The following PTPN13 variants were observed in gnomAD, a reference collection of about 807,000 sequenced individuals.
PTPN13 encodes the protein tyrosine-protein phosphatase non-receptor type 13.
Under a neutral mutation model 284.0 loss-of-function variants are expected in PTPN13, and 191 were observed. The ratio of observed to expected loss-of-function variants is 0.67; its 90% CI spans 0.60 to 0.76. The LOEUF (loss-of-function observed/expected upper bound fraction) is 0.76. PTPN13 is among the 30% of genes least tolerant of loss of function. The pLI, the probability that PTPN13 is intolerant of heterozygous loss-of-function variation, is 0.00. For missense variants in PTPN13, 2,797 were observed against 2,939.9 expected (o/e 0.95, Z 1.12); for synonymous variants, 986 against 1,022.3 (o/e 0.96, Z 0.68).
At chr4:86,624,386 CT>C (rs370957961) in intron 1 of PTPN13, among the ~76,000 whole-genome samples, 1 of 152,260 alleles carries the variant, frequency 6.6e-6, no homozygotes, top group African/African-American at 2.4e-5. Flanking sequence ...GACCAGTGCT[CT>C]CATTATAAGA....
At chr4:86,612,889 G>A (rs113468847) in intron 1 of PTPN13, among the ~76,000 whole-genome samples, 1 of 152,250 alleles carries the variant, frequency 6.6e-6, no homozygotes, top group African/African-American at 2.4e-5. Flanking sequence ...AAACAAAGGC[G>A]AAATAAAGTG....
At chr4:86,812,016 A>G (rs1181636207) in intron 47 of PTPN13, among the ~76,000 whole-genome samples, 2 of 152,194 alleles carry the variant, frequency 1.3e-5, no homozygotes, top group African/African-American at 4.8e-5. Context: ...ACTTTGTATT[A>G]GGAACTCTTC....
At chr4:86,714,838 T>A (rs1198336636) in intron 7 of PTPN13, among the ~76,000 whole-genome samples, 1 of 152,166 alleles carries the variant, frequency 6.6e-6, no homozygotes, top group East Asian at 1.9e-4. Flanking sequence ...ATTCTTTTTC[T>A]CAGAGAACTT....
chr4:86,786,964 A>T (rs898561118), intron 40 of PTPN13, among the ~76,000 whole-genome samples: 1 of 151,798 alleles, frequency 6.6e-6, no homozygotes, highest in African/African-American at 2.4e-5. Context: ...AATTAGCCAG[A>T]TGTGGTGGCG....
chr4:86,641,252 C>T (rs764896616), intron 2 of PTPN13, among the ~76,000 whole-genome samples: 6 of 151,852 alleles, frequency 4.0e-5, no homozygotes, highest in Non-Finnish European at 7.4e-5. Context: ...CTGGGAGTGG[C>T]GGGGGGAAAA....
chr4:86,721,122 G>A (rs1733605867), intron 9 of PTPN13, among the ~76,000 whole-genome samples: 1 of 150,166 alleles, frequency 6.7e-6, no homozygotes, highest in South Asian at 2.2e-4. Flanking sequence ...TAGAAGTTTT[G>A]GTTAGATATC....
intron 7 of PTPN13, among the ~76,000 whole-genome samples, chr4:86,715,054 A>G (rs1732862415): frequency 1.3e-5 from 2 of 152,114 alleles, no homozygotes; most frequent in Non-Finnish European, 2.9e-5. Flanking sequence ...CGGTGTTTCT[A>G]ACAGAAGGTA....
chr4:86,674,185 T>C (rs925209596), intron 3 of PTPN13, among the ~76,000 whole-genome samples: 6 of 152,188 alleles, frequency 3.9e-5, no homozygotes, highest in African/African-American at 1.4e-4. Flanking sequence ...GGCATATATA[T>C]TGTGTTTTAT....
intron 1 of PTPN13, among the ~76,000 whole-genome samples, chr4:86,628,163 A>G (rs886093217): frequency 6.6e-6 from 1 of 152,182 alleles, no homozygotes; most frequent in East Asian, 1.9e-4. Context: ...GTGCCATTTT[A>G]CATTCCCACT....
intron 1 of PTPN13, among the ~76,000 whole-genome samples, chr4:86,625,652 A>G (rs1020509930): frequency 6.6e-6 from 1 of 152,074 alleles, no homozygotes; most frequent in Non-Finnish European, 1.5e-5. Flanking sequence ...CCTGAAGTCT[A>G]AAGGCTTGTT....
rs1257190524 is a variant in PTPN13, at chr4:86,647,838, G to A, written c.115+12467G>A. ...GAGAAGATGGCCATCTATAAGCCAA[G>A]AAGAGAGTAGTCAGAAGAAACCAAC... On this transcript the variant is annotated intron_variant, in intron 2 of 47. Transcript: ENST00000411767. 2.0e-5 allele frequency among the ~76,000 whole-genome samples: 3 copies of A among 152,174 alleles called. No individual in the cohort carries two copies. In the East Asian group the frequency reaches 5.8e-4, roughly 29 times the overall value.
chr4:86,616,873 A>G (rs1720608662), intron 1 of PTPN13, among the ~76,000 whole-genome samples: 3 of 152,204 alleles, frequency 2.0e-5, no homozygotes, highest in African/African-American at 7.2e-5. Context: ...AGCCTAATAC[A>G]GGAGTGTTCT....
At chr4:86,612,779 A>G (rs916882164) in intron 1 of PTPN13, among the ~76,000 whole-genome samples, 1 of 152,228 alleles carries the variant, frequency 6.6e-6, no homozygotes, top group Non-Finnish European at 1.5e-5. Flanking sequence ...ACAGTATATT[A>G]CTTGTCAAAA....
intron 15 of PTPN13, among the ~76,000 whole-genome samples, chr4:86,738,687 A>T (rs143274368): frequency 1.6e-4 from 25 of 152,154 alleles, no homozygotes; most frequent in African/African-American, 6.0e-4. Flanking sequence ...TTTTCTTAAC[A>T]TTGACTCTTT....
chr4:86,636,136 C>A (rs1173109066), intron 2 of PTPN13, among the ~76,000 whole-genome samples: 1 of 152,008 alleles, frequency 6.6e-6, no homozygotes, highest in African/African-American at 2.4e-5. Flanking sequence ...CTCTCCTACA[C>A]AAGCTAAGAC....
intron 20 of PTPN13, among the ~76,000 whole-genome samples, chr4:86,753,389 G>A (rs961209173): frequency 1.3e-5 from 2 of 151,994 alleles, no homozygotes; most frequent in African/African-American, 4.8e-5. Flanking sequence ...ATTTTAGAGG[G>A]AAAGGAGGAT....
intron 2 of PTPN13, chr4:86,661,023 T>G (rs765337865): frequency 1.2e-5 from 5 of 415,902 alleles, no homozygotes; most frequent in Non-Finnish European, 2.4e-5. Flanking sequence ...TAACATATAT[T>G]GCAAACAGCA....
intron 7 of PTPN13, among the ~76,000 whole-genome samples, chr4:86,702,549 AAAT>A (rs1277726039): frequency 6.6e-6 from 1 of 152,196 alleles, no homozygotes; most frequent in Non-Finnish European, 1.5e-5. Flanking sequence ...AGTAATATAA[AAAT>A]AACTTTATAA....
Position 86,727,448 on chromosome 4 carries a change from T to G in PTPN13, c.1609-4952T>G, listed in dbSNP as rs536618660. On this transcript the variant is annotated intron_variant, in intron 10 of 47. Transcript: ENST00000411767. ...GCTGTCAGTCTCTCTGGTCTTGGAC[T>G]TTTTTTGGTTGGTAGGCTATTAATT... Among the ~76,000 whole-genome samples, 48 of 149,612 alleles carry G rather than the reference T, an allele frequency of 3.2e-4. 4 individuals are homozygous for G. Among genetic ancestry groups the G allele is most frequent in the Middle Eastern group, 6.9e-3 (2 of 290 alleles).
Sources: allele counts gnomAD v4.1 joint callset (sites outside exome capture counted in the v4.1 genomes callset), GRCh38; gene constraint gnomAD v4.1.1; transcripts MANE v1.5; gene names NCBI Gene and HGNC (gene_info 2026-07-23, HGNC 2026-07-21).